Variants in PRKCSH observed in about 807,000 individuals in gnomAD.
The protein encoded by PRKCSH is glucosidase 2 subunit beta.
A neutral mutation model predicts 79.7 loss-of-function variants in PRKCSH; 42 were observed. That is an observed-to-expected ratio of 0.53 (90% confidence interval 0.41 to 0.68). The LOEUF (loss-of-function observed/expected upper bound fraction) is 0.68, where lower values mean the gene tolerates loss of function less well. Ranked by LOEUF, PRKCSH falls within the 30% of genes least tolerant of loss-of-function variation. The pLI is 0.00. For missense variants in PRKCSH, 686 were observed against 709.0 expected, an observed-to-expected ratio of 0.97 and a Z score of 0.37; for synonymous variants, 325 against 288.2, an observed-to-expected ratio of 1.13 and a Z score of -1.29.
rs756231138 is a variant in PRKCSH at position 11,435,646 on chromosome 19, A to G, written c.-138A>G. ...GAAATTTCCGCTTTCTTTCTGCAGC[A>G]GGAACCGCGGCTGCTGGACAAGAGG... On this transcript the variant is annotated 5_prime_UTR_variant, in exon 1 of 18. Coordinates refer to ENST00000677123, the MANE Select transcript of PRKCSH (RefSeq NM_001289104.2). 1 of 1,268,890 alleles carries G rather than the reference A, an allele frequency of 7.9e-7. No individual in the cohort carries two copies. The highest frequency in any genetic ancestry group is 1.0e-6 in the Non-Finnish European group (1 of 969,188). The allele number at this position is 1,268,890 out of a possible 1,614,324, so 78.6% of individuals were successfully genotyped here.
At chr19:11,443,618 G>T (rs1970164943) in intron 7 of PRKCSH, among the ~76,000 whole-genome samples, 2 of 152,058 alleles carry the variant, frequency 1.3e-5, no homozygotes, top group Non-Finnish European at 2.9e-5. Flanking sequence ...GCTGAGGCAG[G>T]AGAATCGCTG....
Position 11,435,652 on chromosome 19 carries a change from C to T in PRKCSH, c.-132C>T. The T allele has an allele frequency of 1.0e-5, 13 of 1,282,680 alleles. No individual in the cohort carries two copies. Among genetic ancestry groups the T allele is most frequent in the Non-Finnish European group, 1.3e-5 (13 of 981,384 alleles). 79.5% of individuals were successfully genotyped at this position (1,282,680 alleles called of 1,614,324 possible). A position where few individuals can be genotyped will look rare whatever the true frequency, so the allele number is the denominator to read the frequency against. On this transcript the variant is annotated 5_prime_UTR_variant, in exon 1 of 18. Coordinates refer to ENST00000677123, the MANE Select transcript of PRKCSH (RefSeq NM_001289104.2). ...TCCGCTTTCTTTCTGCAGCAGGAAC[C>T]GCGGCTGCTGGACAAGAGGGGTGCG...
At chr19:11,436,319 G>A (rs1416600074) in intron 2 of PRKCSH, 70 bp from the exon 3 acceptor site, 3 of 1,572,502 alleles carry the variant, frequency 1.9e-6, no homozygotes, top group Non-Finnish European at 2.6e-6. Flanking sequence ...GGTGGGGATG[G>A]GAGGACAGAG....
chr19:11,438,311 C>G (rs1969880336), intron 5 of PRKCSH, among the ~76,000 whole-genome samples, 187 bp downstream of exon 5: 1 of 152,124 alleles, frequency 6.6e-6, no homozygotes, highest in South Asian at 2.1e-4. Flanking sequence ...TTTCCCGATT[C>G]AACAGATGGG....
chr19:11,447,912 T>C lies in PRKCSH; in HGVS notation c.1126+123T>C. The C allele has an allele frequency of 8.3e-7, 1 of 1,197,812 alleles. No individual in the cohort carries two copies. The highest frequency in any genetic ancestry group is 1.1e-6 in the Non-Finnish European group (1 of 870,630). The allele number at this position is 1,197,812 out of a possible 1,614,324, so 74.2% of individuals were successfully genotyped here. On this transcript the variant is annotated intron_variant, in intron 12 of 17. Transcript: ENST00000677123. This position sits in a 1 kb window ranked among gnomAD's most constrained non-coding sequence, Gnocchi z 5.6. ...GACTCGGCCAGCACAAGCCCCAGTA[T>C]CTTGGGGAGTCCAGGAAGGGGGCCT...
intron 7 of PRKCSH, among the ~76,000 whole-genome samples, chr19:11,444,835 C>T (rs1568366365): frequency 1.3e-5 from 2 of 152,064 alleles, no homozygotes; most frequent in East Asian, 3.9e-4. Context: ...CATCCTTGGC[C>T]ATGAAGTCTC....
At chr19:11,438,267 A>G (rs1969877721) in intron 5 of PRKCSH, 143 bp downstream of exon 5, 2 of 906,032 alleles carry the variant, frequency 2.2e-6, no homozygotes, top group Admixed American at 2.0e-5. Flanking sequence ...CCTAATCCCC[A>G]CCTTTCCCTC....
In PRKCSH at chr19:11,449,395, G is replaced by A. The variant is rs3211439; in HGVS notation, c.1591G>A (p.Asp531Asn). ...ACCGCCTGAAGCACCCACCGAAGAC[G>A]ACCATGACGAGCTCTAGCTGGATGG... Reference protein sequence around the residue: ...EPPPEAPTEDDHDEL With the variant: ...EPPPEAPTEDNHDEL Residue 531 changes from aspartate to asparagine, a missense_variant, in exon 17 of 18, where the codon GAC (aspartate) becomes AAC (asparagine). By Grantham distance (23) the Asp-to-Asn change is conservative. Transcript: ENST00000677123. This position sits in a 1 kb window ranked among gnomAD's most constrained non-coding sequence, Gnocchi z 6.4. 8 of 1,613,152 alleles carry A rather than the reference G, an allele frequency of 5.0e-6. No homozygotes were observed. Among genetic ancestry groups the A allele is most frequent in the South Asian group, 3.3e-5 (3 of 91,074 alleles).
At chr19:11,441,471 T>G (rs567099907) in intron 6 of PRKCSH, 114 bp downstream of exon 6, 5 of 951,286 alleles carry the variant, frequency 5.3e-6, no homozygotes, top group Non-Finnish European at 8.6e-6. Flanking sequence ...GGCAAGTGAC[T>G]GCCTTTCGGA....
At chr19:11,441,525 A>G (rs957972285) in intron 6 of PRKCSH, among the ~76,000 whole-genome samples, 168 bp downstream of exon 6, 2 of 152,164 alleles carry the variant, frequency 1.3e-5, no homozygotes, top group East Asian at 3.9e-4. Flanking sequence ...GTCATTGGCT[A>G]AGTATAATAG....
At chr19:11,437,003 G>C (rs956941419) in intron 3 of PRKCSH, among the ~76,000 whole-genome samples, 14 of 152,132 alleles carry the variant, frequency 9.2e-5, no homozygotes, top group Non-Finnish European at 2.9e-5. Flanking sequence ...GGTTACAGGT[G>C]TGAGCCACCG....
Position 11,435,641 on chromosome 19 carries a change from G to A in PRKCSH, c.-143G>A, listed in dbSNP as rs138496627. On this transcript the variant is annotated 5_prime_UTR_variant, in exon 1 of 18. Coordinates refer to ENST00000677123, the MANE Select transcript of PRKCSH (RefSeq NM_001289104.2). ...GTCCAGAAATTTCCGCTTTCTTTCT[G>A]CAGCAGGAACCGCGGCTGCTGGACA... 5.3e-4 allele frequency: 668 copies of A among 1,257,638 alleles called. 2 individuals carry two copies. The African/African-American group carries it at 9.2e-3, about 17-fold the overall frequency. The allele number at this position is 1,257,638 out of a possible 1,614,324, so 77.9% of individuals were successfully genotyped here.
chr19:11,448,970 G>C lies in PRKCSH; in HGVS notation c.1343G>C (p.Gly448Ala). 6.2e-7 allele frequency: 1 copy of C among 1,614,146 alleles called. No homozygotes were observed. Residue 448 changes from glycine (G) to alanine (A), a missense_variant, in exon 15 of 18, where the codon GGC (glycine) becomes GCC (alanine). Coordinates refer to ENST00000677123, the MANE Select transcript of PRKCSH (RefSeq NM_001289104.2). The surrounding 1 kb of genome is among the most constrained non-coding windows in gnomAD (Gnocchi z 4.4). ...GTCTCGCAGAAACCCAAACTCGGGGGCTCTCCCACCAGCCTTGGGTGAGTG... is the reference window on the plus strand; with the variant it reads ...GTCTCGCAGAAACCCAAACTCGGGGCCTCTCCCACCAGCCTTGGGTGAGTG... The part of the protein sequence containing the change: ...KLVSQKPKLG[G>A]SPTSLGTWGS...
In PRKCSH at chr19:11,447,534, G is replaced by A. The variant is rs771040212; in HGVS notation, c.945G>A (p.Glu315=). The part of the protein sequence containing the change: ...PPVPSSPTEE[E]EEEEEEEEEE... ...TGCCCTCGTCGCCCACAGAGGAGGAGGAGGAGGAGGAGGAGGAGGAGGAAG... is the reference window on the plus strand; with the variant it reads ...TGCCCTCGTCGCCCACAGAGGAGGAAGAGGAGGAGGAGGAGGAGGAGGAAG... Residue 315 remains glutamate, a synonymous_variant, in exon 11 of 18, where the codon GAG becomes GAA. Coordinates refer to ENST00000677123, the MANE Select transcript of PRKCSH (RefSeq NM_001289104.2). The surrounding 1 kb of genome is among the most constrained non-coding windows in gnomAD (Gnocchi z 5.6). 6.9e-7 allele frequency: 1 copy of A among 1,441,562 alleles called. No homozygotes were observed. Among genetic ancestry groups the A allele is most frequent in the South Asian group, 1.2e-5 (1 of 82,122 alleles). The allele number at this position is 1,441,562 out of a possible 1,614,324, so 89.3% of individuals were successfully genotyped here.
In PRKCSH at chr19:11,442,461, G is replaced by A. The variant is rs781549022; in HGVS notation, c.544G>A (p.Glu182Lys). 1.9e-6 allele frequency: 3 copies of A among 1,612,322 alleles called. No homozygotes were observed. Among genetic ancestry groups the A allele is most frequent in the South Asian group, 1.1e-5 (1 of 90,834 alleles). Residue 182 changes from glutamate to lysine, a missense_variant, in exon 7 of 18, where the codon GAA becomes AAA. Coordinates refer to ENST00000677123, the MANE Select transcript of PRKCSH (RefSeq NM_001289104.2). ...QVEMLRTVKE[E>K]AEKPEREAKE... is the part of the protein sequence containing the mutation. ...GGAGATGCTGCGGACAGTGAAGGAG[G>A]AAGCTGAGAAGCCAGAGAGAGAGGC...
rs773220527 is a variant in PRKCSH, at chr19:11,436,128, C to CGCT, written c.24_26dup (p.Leu9dup). ...AGAGCGTCTGGTGAGATGCTGTTGC[C>CGCT]GCTGCTGCTGCTGCTACCCATGTGC... On this transcript the variant is annotated inframe_insertion, in exon 2 of 18. Coordinates refer to ENST00000677123, the MANE Select transcript of PRKCSH (RefSeq NM_001289104.2). The CGCT allele has an allele frequency of 3.9e-5, 62 of 1,608,376 alleles. No homozygotes were observed. The highest frequency in any genetic ancestry group is 9.4e-5 in the African/African-American group (7 of 74,808).
At chr19:11,437,048 T>C (rs1360960883) in intron 3 of PRKCSH, among the ~76,000 whole-genome samples, 2 of 151,496 alleles carry the variant, frequency 1.3e-5, no homozygotes, top group Non-Finnish European at 2.9e-5. Flanking sequence ...GTTTTGTTTT[T>C]GTTTTGAGAC....
At chr19:11,438,173 C>G (rs545984701) in intron 5 of PRKCSH, 49 bp downstream of exon 5, 1 of 1,597,908 alleles carries the variant, frequency 6.3e-7, no homozygotes, top group African/African-American at 1.3e-5. Flanking sequence ...AAGACTTTGC[C>G]TGGCTCCACC....
chr19:11,442,454 G>A lies in PRKCSH; in HGVS notation c.537G>A (p.Val179=). 6.8e-6 allele frequency: 11 copies of A among 1,612,332 alleles called. No homozygotes were observed. Among genetic ancestry groups the A allele is most frequent in the Non-Finnish European group, 9.3e-6 (11 of 1,179,450 alleles). Residue 179 remains valine, a synonymous_variant, in exon 7 of 18, where the codon GTG becomes GTA. Coordinates refer to ENST00000677123, the MANE Select transcript of PRKCSH (RefSeq NM_001289104.2). Reference sequence around the variant, plus strand: ...ACCAGGTGGAGATGCTGCGGACAGTGAAGGAGGAAGCTGAGAAGCCAGAGA... The same window carrying A: ...ACCAGGTGGAGATGCTGCGGACAGTAAAGGAGGAAGCTGAGAAGCCAGAGA... The part of the protein sequence containing the change: ...LEDQVEMLRT[V]KEEAEKPERE...
Sources: allele counts gnomAD v4.1 joint callset (sites outside exome capture counted in the v4.1 genomes callset), GRCh38; gene constraint gnomAD v4.1.1; non-coding constraint Gnocchi (gnomAD v3.1); transcripts MANE v1.5; gene names NCBI Gene and HGNC (gene_info 2026-07-23, HGNC 2026-07-21).